CTNNA2: variants seen among roughly 807,000 people sequenced by gnomAD.
The protein encoded by CTNNA2 is catenin alpha-2.
In CTNNA2, 42 loss-of-function variants were observed where a neutral mutation model predicts 101.0. That is an observed-to-expected ratio of 0.42 (90% CI 0.32 to 0.54). The LOEUF (loss-of-function observed/expected upper bound fraction) is 0.54. CTNNA2 is among the 20% of genes least tolerant of loss of function. CTNNA2 has a pLI of 0.14. For missense variants in CTNNA2, 871 were observed against 1,223.1 expected, an observed-to-expected ratio of 0.71 and a Z score of 4.29; for synonymous variants, 450 against 456.4, an observed-to-expected ratio of 0.99 and a Z score of 0.18.
At chr2:79,205,580 C>A (rs1396296126) in intron 2 of CTNNA2, among the ~76,000 whole-genome samples, 2 of 152,110 alleles carry the variant, frequency 1.3e-5, no homozygotes, top group Admixed American at 1.3e-4. Flanking sequence ...AGCTTGACTG[C>A]ATGTATAAGA....
chr2:79,850,049 G>A (rs904261770), intron 3 of CTNNA2, among the ~76,000 whole-genome samples: 3 of 152,204 alleles, frequency 2.0e-5, no homozygotes, highest in Admixed American at 6.5e-5. Flanking sequence ...ATGCATGCAT[G>A]CACAGGGAGT....
At chr2:80,604,991 C>T (rs1224649391) in intron 16 of CTNNA2, among the ~76,000 whole-genome samples, 1 of 151,978 alleles carries the variant, frequency 6.6e-6, no homozygotes, top group Non-Finnish European at 1.5e-5. Flanking sequence ...TGATATTCTT[C>T]ATAATAACTT....
At chr2:79,609,285 G>A (rs185264619) in intron 1 of CTNNA2, among the ~76,000 whole-genome samples, 5 of 151,902 alleles carry the variant, frequency 3.3e-5, no homozygotes, top group African/African-American at 9.6e-5. Context: ...TAACATATAC[G>A]ACAGCCAGTT....
chr2:79,257,498 T>TA (rs61173996), intron 2 of CTNNA2, among the ~76,000 whole-genome samples: 9,694 of 136,714 alleles, frequency 0.071, 420 homozygotes, highest in African/African-American at 0.13. Context: ...GAAAGTAGGT[T>TA]AAAAAAAAAA....
intron 4 of CTNNA2, among the ~76,000 whole-genome samples, chr2:79,404,570 A>G (rs1355926071): frequency 6.6e-6 from 1 of 152,090 alleles, no homozygotes; most frequent in African/African-American, 2.4e-5. Flanking sequence ...AAACTATTTG[A>G]AACAACACAA....
chr2:79,971,305 G>A (rs904831851), intron 7 of CTNNA2, among the ~76,000 whole-genome samples: 4 of 151,884 alleles, frequency 2.6e-5, no homozygotes, highest in Admixed American at 6.6e-5. Flanking sequence ...CTCAAGACAC[G>A]CATATAACAT....
chr2:79,803,918 G>A (rs1397290009), intron 3 of CTNNA2, among the ~76,000 whole-genome samples: 1 of 152,172 alleles, frequency 6.6e-6, no homozygotes, highest in African/African-American at 2.4e-5. Flanking sequence ...GTAGGAAGAT[G>A]GTTAGATACT....
intron 12 of CTNNA2, among the ~76,000 whole-genome samples, chr2:80,565,433 G>A (rs1373710015): frequency 6.6e-6 from 1 of 152,050 alleles, no homozygotes; most frequent in East Asian, 1.9e-4. Context: ...ATAGAACTGG[G>A]GAAGCTCAGT....
chr2:79,475,698 T>C (rs911700250), intron 4 of CTNNA2, among the ~76,000 whole-genome samples: 8 of 152,034 alleles, frequency 5.3e-5, no homozygotes, highest in African/African-American at 1.7e-4. Flanking sequence ...TTGCTTTATG[T>C]AGCCTTCTTT....
At chr2:80,420,709 TTA>T (rs1680450418) in intron 9 of CTNNA2, among the ~76,000 whole-genome samples, 1 of 152,134 alleles carries the variant, frequency 6.6e-6, no homozygotes, top group South Asian at 2.1e-4. Flanking sequence ...TGCGCCTTGG[TTA>T]ATCCAGCACT....
At position 79,870,931 on chromosome 2, in the gene CTNNA2, C is replaced by G. The variant is rs138769619; in HGVS notation, c.585+996C>G. Among the ~76,000 whole-genome samples, 1,200 of 152,324 alleles carry G rather than the reference C, an allele frequency of 7.9e-3. 63 individuals are homozygous for G. The highest frequency in any genetic ancestry group is 0.071 in the Admixed American group (1,084 of 15,298). ...TCAAGATGAGATTTGGGTGGGGACA[C>G]AGAGCCAAACCATATCAGCCTCCTT... is the stretch of plus-strand genomic sequence containing the variant. On this transcript the variant is annotated intron_variant, in intron 5 of 18. Coordinates refer to ENST00000402739, the MANE Select transcript of CTNNA2 (RefSeq NM_001282597.3).
At chr2:80,045,367 T>G (rs1361220084) in intron 7 of CTNNA2, among the ~76,000 whole-genome samples, 1 of 152,208 alleles carries the variant, frequency 6.6e-6, no homozygotes, top group African/African-American at 2.4e-5. Flanking sequence ...TCTTTTTAAA[T>G]TTTAGTTGTA....
intron 7 of CTNNA2, among the ~76,000 whole-genome samples, chr2:80,232,304 AT>A (rs1316368651): frequency 1.6e-5 from 2 of 122,530 alleles, no homozygotes; most frequent in African/African-American, 2.9e-5. Flanking sequence ...CTCTTCAAAT[AT>A]TTTACAGAAT....
intron 7 of CTNNA2, among the ~76,000 whole-genome samples, chr2:80,008,492 C>T (rs1448833515): frequency 6.6e-6 from 1 of 152,192 alleles, no homozygotes; most frequent in Non-Finnish European, 1.5e-5. Context: ...CTTTTCATCA[C>T]TTGCACATCA....
At chr2:79,817,316 C>CTTTTTTTT (rs550422225) in intron 3 of CTNNA2, among the ~76,000 whole-genome samples, 1 of 73,846 alleles carries the variant, frequency 1.4e-5, no homozygotes, top group Non-Finnish European at 2.6e-5. Context: ...TTCTCTCTCA[C>CTTTTTTTT]TTTTTTTTTT....
chr2:80,362,134 C>A (rs1019706526), intron 7 of CTNNA2, among the ~76,000 whole-genome samples: 1 of 152,024 alleles, frequency 6.6e-6, no homozygotes, highest in African/African-American at 2.4e-5. Flanking sequence ...AGAAAGGAAC[C>A]TAAATGAAGT....
intron 7 of CTNNA2, among the ~76,000 whole-genome samples, chr2:80,069,552 A>C (rs980450320): frequency 1.3e-5 from 2 of 152,342 alleles, no homozygotes; most frequent in Admixed American, 6.5e-5. Flanking sequence ...AAGAAGGTGA[A>C]ATCTTTGTCT....
intron 7 of CTNNA2, among the ~76,000 whole-genome samples, chr2:80,232,124 C>T (rs1166497430): frequency 4.6e-5 from 7 of 152,204 alleles, no homozygotes; most frequent in African/African-American, 1.7e-4. Context: ...TTCAAGTTGT[C>T]CTACCTTTCT....
chr2:79,520,895 A>T (rs897157083), intron 1 of CTNNA2, among the ~76,000 whole-genome samples: 1 of 151,914 alleles, frequency 6.6e-6, no homozygotes, highest in Non-Finnish European at 1.5e-5. Context: ...ATACTTTGGG[A>T]AACAGTTTGG....
Sources: gnomAD v4.1 joint callset for allele counts (sites outside exome capture counted in the v4.1 genomes callset) on GRCh38, gnomAD v4.1.1 for gene constraint, MANE v1.5 for transcripts, NCBI Gene and HGNC (gene_info 2026-07-23, HGNC 2026-07-21) for gene names.